SPTAN1: variants seen among roughly 807,000 people sequenced by gnomAD.
The protein encoded by SPTAN1 is spectrin alpha chain, non-erythrocytic 1.
In SPTAN1, 61 loss-of-function variants were observed where a neutral mutation model predicts 331.3. That is an observed-to-expected ratio of 0.18 (90% CI 0.15 to 0.23). The LOEUF is 0.23. Ranked by LOEUF, SPTAN1 falls within the 10% of genes least tolerant of loss-of-function variation. The pLI is 1.00. For missense variants in SPTAN1, 2,043 were observed against 3,147.9 expected (o/e 0.65, Z 8.40); for synonymous variants, 1,153 against 1,173.9 (o/e 0.98, Z 0.36).
intron 17 of SPTAN1, 66 bp downstream of exon 17, chr9:128,584,591 A>G: frequency 1.2e-6 from 2 of 1,613,998 alleles, no homozygotes; most frequent in Admixed American, 3.3e-5. Context: ...CATAAAGGGG[A>G]TGCATGTCAG....
At chr9:128,598,182 A>G (rs1313532019) in intron 24 of SPTAN1, among the ~76,000 whole-genome samples, 1 of 144,014 alleles carries the variant, frequency 6.9e-6, no homozygotes, top group African/African-American at 2.6e-5. Flanking sequence ...TCCCGACCTC[A>G]GGTGATCCGC....
intron 3 of SPTAN1, among the ~76,000 whole-genome samples, chr9:128,573,119 T>C (rs937185670): frequency 1.3e-5 from 2 of 152,250 alleles, no homozygotes; most frequent in Admixed American, 6.5e-5. Context: ...TTGTTTGTTT[T>C]ACTTATGTCT....
intron 2 of SPTAN1, 92 bp from the exon 3 acceptor site, chr9:128,568,680 G>T: frequency 6.4e-7 from 1 of 1,565,160 alleles, no homozygotes; most frequent in South Asian, 1.1e-5. Context: ...GAGGGAGCAG[G>T]ATTGAGGAGG....
At chr9:128,590,559 A>AG (rs1161406153) in intron 21 of SPTAN1, among the ~76,000 whole-genome samples, 1 of 150,066 alleles carries the variant, frequency 6.7e-6, no homozygotes, top group Non-Finnish European at 1.5e-5. Flanking sequence ...AAAAAGAAAA[A>AG]AAAAAAAAAG....
intron 9 of SPTAN1, among the ~76,000 whole-genome samples, chr9:128,579,182 T>C (rs78689583): frequency 0.029 from 4,418 of 152,272 alleles, 195 homozygotes; most frequent in African/African-American, 0.1. Flanking sequence ...CAGGTATATG[T>C]GTGTGTTTCT....
At chr9:128,553,703 A>G (rs1305012676) in intron 1 of SPTAN1, among the ~76,000 whole-genome samples, 2 of 152,228 alleles carry the variant, frequency 1.3e-5, no homozygotes, top group Non-Finnish European at 2.9e-5. Flanking sequence ...AACTGTTCCA[A>G]CATCTAATCA....
intron 24 of SPTAN1, among the ~76,000 whole-genome samples, chr9:128,596,856 T>C (rs1454157721): frequency 1.3e-5 from 2 of 151,950 alleles, no homozygotes; most frequent in African/African-American, 4.8e-5. Flanking sequence ...ACATCCATTA[T>C]TATAATTGAA....
At chr9:128,569,034 A>G in intron 3 of SPTAN1, 137 bp downstream of exon 3, 2 of 1,193,208 alleles carry the variant, frequency 1.7e-6, no homozygotes. Context: ...CTCCTTAAGA[A>G]GTTACCCGAA....
chr9:128,618,215 C>G, intron 43 of SPTAN1, 107 bp downstream of exon 43: 1 of 1,531,114 alleles, frequency 6.5e-7, no homozygotes, highest in Non-Finnish European at 8.9e-7. Flanking sequence ...TCTCCTGGAC[C>G]TTTGGCCTCA....
At chr9:128,583,747 A>G in intron 15 of SPTAN1, 41 bp from the exon 16 acceptor site, 2 of 1,607,886 alleles carry the variant, frequency 1.2e-6, no homozygotes, top group African/African-American at 1.3e-5. Context: ...GCAGAAGGGT[A>G]ATGCTAAGCA....
At chr9:128,607,124 C>G (rs1017128624) in intron 31 of SPTAN1, among the ~76,000 whole-genome samples, 2 of 152,124 alleles carry the variant, frequency 1.3e-5, no homozygotes, top group Non-Finnish European at 2.9e-5. Context: ...AATGTATGCC[C>G]AGGCCTAGGG....
At chr9:128,606,472 CATAT>C (rs71923773) in intron 31 of SPTAN1, among the ~76,000 whole-genome samples, 12 of 126,034 alleles carry the variant, frequency 9.5e-5, no homozygotes, top group African/African-American at 3.2e-4. Context: ...TTTCCCTAGA[CATAT>C]ATATATATAT....
At position 128,625,645 on chromosome 9, in the gene SPTAN1, G is replaced by C; in HGVS notation, c.6070-124G>C. 1.1e-6 allele frequency: 1 copy of C among 886,706 alleles called. No individual in the cohort carries two copies. The highest frequency in any genetic ancestry group is 1.3e-5 in the South Asian group (1 of 74,832). 54.9% of individuals were successfully genotyped at this position (886,706 alleles called of 1,614,324 possible). ...AGGGGGCATGTGTGACTGAGTCTCA[G>C]CAGTGTCCAGGTGGACAGTTTGGCT... On this transcript the variant is annotated intron_variant, in intron 47 of 56. Transcript: ENST00000372739. This position sits in a 1 kb window ranked among gnomAD's most constrained non-coding sequence, Gnocchi z 4.1.
Position 128,580,969 on chromosome 9 carries a change from G to T in SPTAN1, c.1371G>T (p.Glu457Asp), listed in dbSNP as rs1589203624. The change falls in exon 11 of 57, where the codon GAG becomes GAT. Residue 457 changes from glutamate to aspartate, a missense_variant. Transcript: ENST00000372739. ...GAGCGGCGCTGCTGGAGCTGTGGGAGCTGCGCAGGCAGCAGTACGAGCAGT... is the reference window on the plus strand; with the variant it reads ...GAGCGGCGCTGCTGGAGCTGTGGGATCTGCGCAGGCAGCAGTACGAGCAGT... ...EERAALLELW[E>D]LRRQQYEQCM... 4 of 1,613,920 alleles carry T rather than the reference G, an allele frequency of 2.5e-6. No individual in the cohort carries two copies. In the South Asian group the frequency reaches 4.4e-5, roughly 18 times the overall value.
chr9:128,575,162 G>T lies in SPTAN1; in HGVS notation c.505-37G>T, dbSNP rs370351285. ...CTGGAAGCCATTGTTAACAAATGTT[G>T]GTTGGTGACTCTGGCTCTCTTATGG... On this transcript the variant is annotated intron_variant, in intron 4 of 56. Coordinates refer to ENST00000372739, the MANE Select transcript of SPTAN1 (RefSeq NM_001130438.3). The T allele has an allele frequency of 5.8e-5, 93 of 1,613,768 alleles. No homozygotes were observed. In the African/African-American group the frequency reaches 9.9e-4, roughly 17 times the overall value.
intron 21 of SPTAN1, among the ~76,000 whole-genome samples, chr9:128,590,305 G>A (rs1275177285): frequency 1.3e-5 from 2 of 152,164 alleles, no homozygotes; most frequent in African/African-American, 2.4e-5. Context: ...CTGTGATGGT[G>A]GAAATGTAAG....
At position 128,625,150 on chromosome 9, in the gene SPTAN1, T is replaced by G; in HGVS notation, c.6040T>G (p.Ser2014Ala). 1 of 1,614,176 alleles carries G rather than the reference T, an allele frequency of 6.2e-7. No homozygotes were observed. The highest frequency in any genetic ancestry group is 8.5e-7 in the Non-Finnish European group (1 of 1,180,018). The change falls in exon 47 of 57, where the codon TCT becomes GCT. Residue 2014 changes from serine (S) to alanine (A), a missense_variant. Transcript: ENST00000372739. The surrounding 1 kb of genome is among the most constrained non-coding windows in gnomAD (Gnocchi z 4.1). ...LKTDDYGRDL[S>A]SVQTLLTKQE... is the part of the protein sequence containing the mutation. The stretch of plus-strand genomic sequence containing the variant: ...GACAGATGATTATGGCCGAGACCTG[T>G]CTTCTGTGCAGACGCTCCTCACCAA...
intron 27 of SPTAN1, 36 bp downstream of exon 27, chr9:128,600,151 T>A: frequency 6.2e-7 from 1 of 1,607,080 alleles, no homozygotes; most frequent in Non-Finnish European, 8.5e-7. Flanking sequence ...TTTTCAAGAG[T>A]TTTGCGAGAT....
rs2227863 is a variant in SPTAN1 at position 128,578,178 on chromosome 9, A to G, written c.1154A>G (p.Asn385Ser). ...SWVTEMKALI[N>S]ADELASDVAG... Reference sequence around the variant, plus strand: ...GTGACTGAGATGAAAGCCCTCATCAATGCAGATGAGCTTGCCAGTGATGTG... The same window carrying G: ...GTGACTGAGATGAAAGCCCTCATCAGTGCAGATGAGCTTGCCAGTGATGTG... Residue 385 changes from asparagine (N) to serine (S), a missense_variant, in exon 9 of 57, where the codon AAT (asparagine) becomes AGT (serine). By Grantham distance (46) the Asn-to-Ser change is conservative. This residue lies in a region of SPTAN1 where 1,038 missense variants were observed against 1,531.5 expected (regional missense o/e 0.68). Coordinates refer to ENST00000372739, the MANE Select transcript of SPTAN1 (RefSeq NM_001130438.3). 3.2e-5 allele frequency: 51 copies of G among 1,614,118 alleles called. No homozygotes were observed. Among genetic ancestry groups the G allele is most frequent in the African/African-American group, 2.9e-4 (22 of 75,042 alleles).
Sources: gnomAD v4.1 joint callset for allele counts (sites outside exome capture counted in the v4.1 genomes callset) on GRCh38, gnomAD v4.1.1 for gene constraint, gnomAD v4.1.1 regional missense constraint, Gnocchi (gnomAD v3.1) non-coding constraint, MANE v1.5 for transcripts, NCBI Gene and HGNC (gene_info 2026-07-23, HGNC 2026-07-21) for gene names.